PPP1R12A: variants seen among roughly 807,000 people sequenced by gnomAD.
PPP1R12A encodes protein phosphatase 1 regulatory subunit 12A, also known as myosin binding subunit.
In PPP1R12A, 19 loss-of-function variants were observed where a neutral mutation model predicts 139.6. That is an observed-to-expected ratio of 0.14 (90% CI 0.09 to 0.20). The LOEUF is 0.20. Among genes scored for constraint, PPP1R12A ranks in the 10% least tolerant of loss-of-function variants. The pLI, the probability that PPP1R12A is intolerant of heterozygous loss-of-function variation, is 1.00. For missense variants in PPP1R12A, 925 were observed against 1,211.5 expected (o/e 0.76, Z 3.51); for synonymous variants, 427 against 420.6 (o/e 1.02, Z -0.19).
intron 2 of PPP1R12A, among the ~76,000 whole-genome samples, chr12:79,859,106 C>T (rs566673172): frequency 3.9e-5 from 6 of 152,068 alleles, no homozygotes; most frequent in African/African-American, 9.6e-5. Flanking sequence ...GAGGCCAAGG[C>T]GGGCAGATCA....
rs61756418 is a variant in PPP1R12A, at chr12:79,806,178, C to G, written c.1811G>C (p.Gly604Ala). The G allele has an allele frequency of 7.4e-3, 11,897 of 1,613,782 alleles. 44 individuals are homozygous for G. Among genetic ancestry groups the G allele is most frequent in the Non-Finnish European group, 9.0e-3 (10,570 of 1,179,754 alleles). Residue 604 changes from glycine (G) to alanine (A), a missense_variant, in exon 13 of 25, where the codon GGC becomes GCC. Coordinates refer to ENST00000450142, the MANE Select transcript of PPP1R12A (RefSeq NM_002480.3). ...TKITTGSSSA[G>A]TQSSTSNRLW... ...ATCTGTGACTTACCTGCTTTGTGTGCCTGCTGAGGAAGAACCCGTTGTAAT... is the reference window on the plus strand; with the variant it reads ...ATCTGTGACTTACCTGCTTTGTGTGGCTGCTGAGGAAGAACCCGTTGTAAT...
intron 5 of PPP1R12A, among the ~76,000 whole-genome samples, chr12:79,825,965 A>T (rs149321391): frequency 5.2e-4 from 79 of 152,196 alleles, no homozygotes; most frequent in African/African-American, 1.8e-3. Context: ...ATTTGGATAT[A>T]TTTATGGCAC....
chr12:79,820,429 C>T (rs947146357), intron 8 of PPP1R12A, among the ~76,000 whole-genome samples: 1 of 152,062 alleles, frequency 6.6e-6, no homozygotes, highest in Non-Finnish European at 1.5e-5. Context: ...CTGTTGGGAC[C>T]GGCATCCTGG....
intron 2 of PPP1R12A, among the ~76,000 whole-genome samples, chr12:79,860,875 G>C (rs1881237026): frequency 6.6e-6 from 1 of 152,092 alleles, no homozygotes; most frequent in East Asian, 1.9e-4. Flanking sequence ...TGGTGGTGGT[G>C]GCGGCATTAT....
At position 79,922,404 on chromosome 12, in the gene PPP1R12A, CTT is replaced by C. The variant is rs771113492; in HGVS notation, c.237+12289_237+12290del. 4.2e-4 allele frequency among the ~76,000 whole-genome samples: 64 copies of C among 152,252 alleles called. 1 individual carries two copies. The East Asian group carries it at 7.3e-3, about 17-fold the overall frequency. ...TTTTCCATTTTCAATATACTAGAAA[CTT>C]TATTAAAAATGCCTTTTGCAGACTT... is the stretch of plus-strand genomic sequence containing the variant. On this transcript the variant is annotated intron_variant, in intron 1 of 24. Transcript: ENST00000450142.
rs748014883 is a variant in PPP1R12A, at chr12:79,788,758, C to A, written c.2692G>T (p.Gly898Cys). 5.0e-6 allele frequency: 8 copies of A among 1,610,798 alleles called. No homozygotes were observed. The highest frequency in any genetic ancestry group is 5.9e-6 in the Non-Finnish European group (7 of 1,178,216). Reference protein sequence around the residue: ...SRYETSSTSAGDRYDSLLGRS... With the variant: ...SRYETSSTSACDRYDSLLGRS... ...CCCAGCAAGGAATCATATCGATCACCAGCTGATGTAGAACTGGTTTCATAT... is the reference window on the plus strand; with the variant it reads ...CCCAGCAAGGAATCATATCGATCACAAGCTGATGTAGAACTGGTTTCATAT... The change falls in exon 21 of 25, where the codon GGT becomes TGT. Residue 898 changes from glycine (G) to cysteine (C), a missense_variant. Gly to Cys is a radical substitution (Grantham distance 159). This residue lies in a region of PPP1R12A where 315 missense variants were observed against 363.4 expected (regional missense o/e 0.87). Transcript: ENST00000450142.
At chr12:79,914,764 A>G (rs1886859279) in intron 1 of PPP1R12A, among the ~76,000 whole-genome samples, 1 of 152,054 alleles carries the variant, frequency 6.6e-6, no homozygotes, top group African/African-American at 2.4e-5. Flanking sequence ...GGAGGAGATA[A>G]ATCTCTCTAG....
intron 1 of PPP1R12A, among the ~76,000 whole-genome samples, chr12:79,918,618 T>C (rs945114451): frequency 1.3e-5 from 2 of 152,170 alleles, no homozygotes; most frequent in Admixed American, 6.5e-5. Flanking sequence ...ATTTCATAAA[T>C]ATATTTTAAG....
At chr12:79,931,907 A>G (rs1219027272) in intron 1 of PPP1R12A, among the ~76,000 whole-genome samples, 2 of 152,184 alleles carry the variant, frequency 1.3e-5, no homozygotes, top group Non-Finnish European at 2.9e-5. Context: ...AGAACAGCTG[A>G]AGACTGGATA....
intron 1 of PPP1R12A, among the ~76,000 whole-genome samples, chr12:79,907,556 A>G (rs1886229637): frequency 6.6e-6 from 1 of 152,192 alleles, no homozygotes; most frequent in Admixed American, 6.5e-5. Context: ...TCACTCTACA[A>G]TTGCCTACTT....
intron 1 of PPP1R12A, among the ~76,000 whole-genome samples, chr12:79,877,814 C>G (rs931553417): frequency 2.0e-5 from 3 of 152,288 alleles, no homozygotes; most frequent in East Asian, 1.9e-4. Context: ...CCACACCCGG[C>G]TGATACTCAT....
At chr12:79,781,542 G>A (rs558322993) in intron 23 of PPP1R12A, among the ~76,000 whole-genome samples, 2 of 152,028 alleles carry the variant, frequency 1.3e-5, no homozygotes, top group South Asian at 4.2e-4. Context: ...ATCAAAATGT[G>A]TATAGTACAT....
At chr12:79,888,290 A>G (rs1016517481) in intron 1 of PPP1R12A, among the ~76,000 whole-genome samples, 4 of 152,164 alleles carry the variant, frequency 2.6e-5, no homozygotes, top group Non-Finnish European at 4.4e-5. Context: ...AAATCTCTGA[A>G]GGTGGTGCCC....
At chr12:79,925,286 G>C (rs1887751137) in intron 1 of PPP1R12A, among the ~76,000 whole-genome samples, 1 of 152,010 alleles carries the variant, frequency 6.6e-6, no homozygotes, top group Non-Finnish European at 1.5e-5. Flanking sequence ...GTGTGTAACA[G>C]TCCATGAAAA....
At chr12:79,839,596 C>T (rs577637860) in intron 3 of PPP1R12A, among the ~76,000 whole-genome samples, 15 of 152,248 alleles carry the variant, frequency 9.9e-5, no homozygotes, top group African/African-American at 3.6e-4. Flanking sequence ...CCCAGTGCTG[C>T]TGTTCTTGTG....
chr12:79,847,380 A>T (rs764141375), intron 2 of PPP1R12A, among the ~76,000 whole-genome samples: 11 of 152,120 alleles, frequency 7.2e-5, no homozygotes, highest in Non-Finnish European at 1.3e-4. Flanking sequence ...TTTTTAAAAA[A>T]TTTTCCCAAC....
At chr12:79,917,516 T>C (rs957731993) in intron 1 of PPP1R12A, among the ~76,000 whole-genome samples, 2 of 149,800 alleles carry the variant, frequency 1.3e-5, no homozygotes, top group Non-Finnish European at 3.0e-5. Flanking sequence ...GAGTTTAATA[T>C]ATAACAATTA....
rs114329948 is a variant in PPP1R12A at position 79,868,209 on chromosome 12, T to A, written c.368+4599A>T. Among the ~76,000 whole-genome samples the A allele has an allele frequency of 5.2e-3, 788 of 152,330 alleles. 5 individuals carry two copies. The highest frequency in any genetic ancestry group is 0.018 in the African/African-American group (748 of 41,576). Reference sequence around the variant, plus strand: ...CACACAGTAATTCAATTATAATTTATGCCACAGATGTATAATGAATTGATA... The same window carrying A: ...CACACAGTAATTCAATTATAATTTAAGCCACAGATGTATAATGAATTGATA... On this transcript the variant is annotated intron_variant, in intron 2 of 24. Transcript: ENST00000450142.
chr12:79,861,842 A>G (rs899797470), intron 2 of PPP1R12A, among the ~76,000 whole-genome samples: 1 of 152,144 alleles, frequency 6.6e-6, no homozygotes, highest in Non-Finnish European at 1.5e-5. Flanking sequence ...GGCAGAGCTC[A>G]GCAAGGCCTA....
Sources: gnomAD v4.1 joint callset for allele counts (sites outside exome capture counted in the v4.1 genomes callset) on GRCh38, gnomAD v4.1.1 for gene constraint, gnomAD v4.1.1 regional missense constraint, MANE v1.5 for transcripts, NCBI Gene and HGNC (gene_info 2026-07-23, HGNC 2026-07-21) for gene names.